CDH8: variants seen among roughly 807,000 people sequenced by gnomAD.
CDH8 encodes the protein cadherin 8, also known as cadherin-8.
A neutral mutation model predicts 68.1 loss-of-function variants in CDH8; 17 were observed. That is an observed-to-expected ratio of 0.25 (90% CI 0.17 to 0.37). The LOEUF (loss-of-function observed/expected upper bound fraction) is 0.37, where lower values mean the gene tolerates loss of function less well. Ranked by LOEUF, CDH8 falls within the 10% of genes least tolerant of loss-of-function variation. The pLI is 1.00. For synonymous variants in CDH8, 372 were observed against 365.1 expected (o/e 1.02, Z -0.21); for missense variants, 763 against 999.3 (o/e 0.76, Z 3.19).
At chr16:61,668,662 A>T (rs36122964) in intron 10 of CDH8, among the ~76,000 whole-genome samples, 7,298 of 140,918 alleles carry the variant, frequency 0.052, 481 homozygotes, top group East Asian at 0.27. Context: ...CACATAAACC[A>T]CTTAGGAAAA....
chr16:62,005,239 A>G (rs1965955048), intron 2 of CDH8, among the ~76,000 whole-genome samples: 1 of 152,230 alleles, frequency 6.6e-6, no homozygotes, highest in Non-Finnish European at 1.5e-5. Flanking sequence ...CTAGCGAAGT[A>G]TTCCTATAGG....
At chr16:61,838,527 C>G (rs892630089) in intron 4 of CDH8, among the ~76,000 whole-genome samples, 2 of 152,102 alleles carry the variant, frequency 1.3e-5, no homozygotes, top group African/African-American at 4.8e-5. Flanking sequence ...CTGGTTCCCT[C>G]AAACTCTTCG....
At chr16:61,914,329 T>C (rs963512651) in intron 2 of CDH8, among the ~76,000 whole-genome samples, 2 of 152,184 alleles carry the variant, frequency 1.3e-5, no homozygotes. Context: ...GAATACCTTA[T>C]AGATGCAAAA....
At chr16:61,962,080 T>C (rs1181742031) in intron 2 of CDH8, among the ~76,000 whole-genome samples, 1 of 152,064 alleles carries the variant, frequency 6.6e-6, no homozygotes, top group African/African-American at 2.4e-5. Context: ...GAAGAGAAAA[T>C]ATATTTACTG....
chr16:61,696,479 A>G (rs778476298), intron 10 of CDH8, among the ~76,000 whole-genome samples: 3 of 152,230 alleles, frequency 2.0e-5, no homozygotes, highest in Non-Finnish European at 2.9e-5. Flanking sequence ...GCGAGGATGC[A>G]GAGAAAAGGA....
At chr16:61,882,813 A>G (rs1419398073) in intron 3 of CDH8, among the ~76,000 whole-genome samples, 1 of 152,172 alleles carries the variant, frequency 6.6e-6, no homozygotes, top group Admixed American at 6.6e-5. Context: ...CTGTACAACC[A>G]ACCCCCATGC....
chr16:61,910,161 G>A (rs939958011), intron 2 of CDH8, among the ~76,000 whole-genome samples: 1 of 152,066 alleles, frequency 6.6e-6, no homozygotes. Context: ...AGAGAAAGGA[G>A]AATTAGATGG....
At chr16:61,815,620 T>C (rs1962055265) in intron 7 of CDH8, among the ~76,000 whole-genome samples, 1 of 152,120 alleles carries the variant, frequency 6.6e-6, no homozygotes, top group African/African-American at 2.4e-5. Context: ...ACCCTTATTT[T>C]CCCTAAGGAC....
chr16:61,975,065 A>G (rs1965411513), intron 2 of CDH8, among the ~76,000 whole-genome samples: 2 of 152,146 alleles, frequency 1.3e-5, no homozygotes, highest in Non-Finnish European at 2.9e-5. Flanking sequence ...TGAAAATAAT[A>G]AAAGATGTCA....
chr16:62,003,567 C>T lies in CDH8; in HGVS notation c.252+17585G>A, dbSNP rs1057161146. On this transcript the variant is annotated intron_variant, in intron 2 of 11. Coordinates refer to ENST00000577390, the MANE Select transcript of CDH8 (RefSeq NM_001796.5). ...CAGGGATATGTTTACTCTTAGATGG[C>T]TCAAAAGAAAGACGATCCTTCCGAC... 3.2e-4 allele frequency among the ~76,000 whole-genome samples: 49 copies of T among 152,110 alleles called. 1 individual carries two copies. Among genetic ancestry groups the T allele is most frequent in the Middle Eastern group, 6.8e-3 (2 of 294 alleles).
intron 10 of CDH8, among the ~76,000 whole-genome samples, chr16:61,687,010 A>G: frequency 6.6e-6 from 1 of 151,964 alleles, no homozygotes; most frequent in South Asian, 2.1e-4. Context: ...ATTCTTAATC[A>G]TACAACTGTA....
At chr16:61,783,907 G>C (rs1399673061) in intron 8 of CDH8, among the ~76,000 whole-genome samples, 1 of 152,076 alleles carries the variant, frequency 6.6e-6, no homozygotes. Context: ...GTCACCACCA[G>C]GACTGCCCTA....
At chr16:61,886,800 C>G (rs555203025) in intron 3 of CDH8, among the ~76,000 whole-genome samples, 2 of 152,302 alleles carry the variant, frequency 1.3e-5, no homozygotes, top group Admixed American at 1.3e-4. Flanking sequence ...CCACATCCTC[C>G]TAGTTTTCCT....
intron 9 of CDH8, among the ~76,000 whole-genome samples, chr16:61,724,972 G>A (rs1393012110): frequency 6.6e-6 from 1 of 150,838 alleles, no homozygotes; most frequent in African/African-American, 2.4e-5. Context: ...GATTCAAAGA[G>A]TTCAAGAAAG....
chr16:61,761,214 GAAGA>G (rs1017584784), intron 8 of CDH8, among the ~76,000 whole-genome samples: 3 of 152,130 alleles, frequency 2.0e-5, no homozygotes, highest in African/African-American at 7.2e-5. Flanking sequence ...AGTGTCCACA[GAAGA>G]AATAACTGCC....
intron 9 of CDH8, among the ~76,000 whole-genome samples, chr16:61,717,614 A>G (rs1964755856): frequency 1.3e-5 from 2 of 151,572 alleles, no homozygotes; most frequent in African/African-American, 4.8e-5. Context: ...CAGCAAAGAA[A>G]TACATTTTTG....
intron 8 of CDH8, among the ~76,000 whole-genome samples, chr16:61,742,484 T>C (rs1324276932): frequency 3.9e-5 from 6 of 152,152 alleles, no homozygotes; most frequent in Non-Finnish European, 5.9e-5. Context: ...TATATGTTTC[T>C]TTGTAGCTAT....
At chr16:61,999,151 T>A (rs1965852967) in intron 2 of CDH8, among the ~76,000 whole-genome samples, 1 of 152,188 alleles carries the variant, frequency 6.6e-6, no homozygotes, top group South Asian at 2.1e-4. Context: ...ACTAAGTGCC[T>A]ACTATATGAA....
At chr16:61,868,701 A>G (rs1293970311) in intron 3 of CDH8, among the ~76,000 whole-genome samples, 1 of 152,118 alleles carries the variant, frequency 6.6e-6, no homozygotes, top group Non-Finnish European at 1.5e-5. Flanking sequence ...AGCACTCAAA[A>G]ACTGTCAGAT....
Sources: gnomAD v4.1 joint callset for allele counts (sites outside exome capture counted in the v4.1 genomes callset) on GRCh38, gnomAD v4.1.1 for gene constraint, MANE v1.5 for transcripts, NCBI Gene and HGNC (gene_info 2026-07-23, HGNC 2026-07-21) for gene names.